Variants in CACNA2D4 observed in about 807,000 individuals in gnomAD.
CACNA2D4 encodes the protein calcium voltage-gated channel auxiliary subunit alpha2delta 4.
A neutral mutation model predicts 163.8 loss-of-function variants in CACNA2D4; 157 were observed. That is an observed-to-expected ratio of 0.96 (90% CI 0.84 to 1.09). CACNA2D4 has a LOEUF of 1.09. Ranked by LOEUF, CACNA2D4 falls within the 50% of genes least tolerant of loss-of-function variation. The probability of loss-of-function intolerance (pLI) is 0.00; values close to 1 mark genes in which losing one functional copy is unlikely to be tolerated. For missense variants in CACNA2D4, 1,410 were observed against 1,479.9 expected (o/e 0.95, Z 0.78); for synonymous variants, 598 against 586.9 (o/e 1.02, Z -0.27).
At position 1,828,239 on chromosome 12, in the gene CACNA2D4, G is replaced by A. The variant is rs945855177; in HGVS notation, c.2551+12500C>T. The stretch of plus-strand genomic sequence containing the variant: ...CTGTGAGTACACCCCTGGCCTCGGA[G>A]GGGGGTGCGGGTTGGGTGGGGGTGC... On this transcript the variant is annotated intron_variant, in intron 26 of 37. Transcript: ENST00000382722. This position sits in a 1 kb window ranked among gnomAD's most constrained non-coding sequence, Gnocchi z 4.2. The A allele has an allele frequency of 2.6e-6, 4 of 1,527,606 alleles. No homozygotes were observed. The highest frequency in any genetic ancestry group is 4.1e-5 in the Admixed American group (2 of 48,600). The allele number at this position is 1,527,606 out of a possible 1,614,324, so 94.6% of individuals were successfully genotyped here. A position where few individuals can be genotyped will look rare whatever the true frequency, so the allele number is the denominator to read the frequency against.
rs1863192330 is a variant in CACNA2D4 at position 1,798,122 on chromosome 12, C to A, written c.2996-587G>T. 6.6e-6 allele frequency among the ~76,000 whole-genome samples: 1 copy of A among 152,182 alleles called. No homozygotes were observed. Among genetic ancestry groups the A allele is most frequent in the Non-Finnish European group, 1.5e-5 (1 of 68,016 alleles). On this transcript the variant is annotated intron_variant, in intron 34 of 37. Transcript: ENST00000382722. The surrounding 1 kb of genome is among the most constrained non-coding windows in gnomAD (Gnocchi z 4.3). The stretch of plus-strand genomic sequence containing the variant: ...CACAGCCACCCGGTGCGGGACTCCT[C>A]GGGGGCTGCGCGATTTGCCTTAGCT...
intron 26 of CACNA2D4, among the ~76,000 whole-genome samples, chr12:1,837,283 A>T (rs7300436): frequency 2.0e-5 from 3 of 152,120 alleles, no homozygotes; most frequent in African/African-American, 7.2e-5. Context: ...TTTCAGCCTC[A>T]CTGGATGCTG....
intron 28 of CACNA2D4, 94 bp downstream of exon 28, chr12:1,810,449 G>A (rs1300348718): frequency 6.6e-7 from 1 of 1,517,142 alleles, no homozygotes; most frequent in African/African-American, 1.4e-5. Context: ...TGCAGGGAAG[G>A]AGGGCATTTG....
chr12:1,828,222 AC>A lies in CACNA2D4; in HGVS notation c.2551+12516del. 2 of 1,540,626 alleles carry A rather than the reference AC, an allele frequency of 1.3e-6. No individual in the cohort carries two copies. The highest frequency in any genetic ancestry group is 1.8e-6 in the Non-Finnish European group (2 of 1,142,822). ...CAGTGGAGGCAAGTCTCCTGTGAGT[AC>A]ACCCCTGGCCTCGGAGGGGGGTGCG... is the stretch of plus-strand genomic sequence containing the variant. On this transcript the variant is annotated intron_variant, in intron 26 of 37. Coordinates refer to ENST00000382722, the MANE Select transcript of CACNA2D4 (RefSeq NM_172364.5). The surrounding 1 kb of genome is among the most constrained non-coding windows in gnomAD (Gnocchi z 4.2).
At position 1,813,781 on chromosome 12, in the gene CACNA2D4, G is replaced by A. The variant is rs116552081; in HGVS notation, c.2552-2058C>T. ...GCTTTGAGTTCCAGGTAGCTGAAAG[G>A]AGTGGGCTGGAAGGGGACGGGGAGA... is the stretch of plus-strand genomic sequence containing the variant. On this transcript the variant is annotated intron_variant, in intron 26 of 37. Coordinates refer to ENST00000382722, the MANE Select transcript of CACNA2D4 (RefSeq NM_172364.5). 6.9e-3 allele frequency among the ~76,000 whole-genome samples: 1,051 copies of A among 152,252 alleles called. 14 individuals are homozygous for A. The highest frequency in any genetic ancestry group is 0.024 in the African/African-American group (1,005 of 41,536).
rs1864752356 is a variant in CACNA2D4 at position 1,834,235 on chromosome 12, GGTCA to G, written c.2551+6500_2551+6503del. On this transcript the variant is annotated intron_variant, in intron 26 of 37. Transcript: ENST00000382722. This position sits in a 1 kb window ranked among gnomAD's most constrained non-coding sequence, Gnocchi z 7.6. ...GAGGGAGTGCAAGTTCTAGATGCCT[GGTCA>G]GCCCCTCTTTTTCTCTTCTGCATGT... 6.6e-7 allele frequency: 1 copy of G among 1,525,914 alleles called. No individual in the cohort carries two copies. Among genetic ancestry groups the G allele is most frequent in the South Asian group, 1.3e-5 (1 of 76,818 alleles). 94.5% of individuals were successfully genotyped at this position (1,525,914 alleles called of 1,614,324 possible).
intron 35 of CACNA2D4, among the ~76,000 whole-genome samples, chr12:1,796,307 G>A (rs566430761): frequency 6.6e-6 from 1 of 152,324 alleles, no homozygotes; most frequent in Admixed American, 6.5e-5. Flanking sequence ...GCCGCCTACC[G>A]AGCGCCTCCC....
At chr12:1,895,736 A>G (rs1385082761) in intron 6 of CACNA2D4, among the ~76,000 whole-genome samples, 1 of 152,166 alleles carries the variant, frequency 6.6e-6, no homozygotes, top group Non-Finnish European at 1.5e-5. Flanking sequence ...GGCTCAAGCA[A>G]TCCTCCCACC....
At chr12:1,884,202 T>G in intron 12 of CACNA2D4, 41 bp downstream of exon 12, 1 of 1,580,920 alleles carries the variant, frequency 6.3e-7, no homozygotes. Flanking sequence ...TCTCCTGTGC[T>G]CAGGTGCAGG....
intron 13 of CACNA2D4, among the ~76,000 whole-genome samples, chr12:1,881,391 A>G (rs936758621): frequency 2.6e-5 from 4 of 152,154 alleles, no homozygotes; most frequent in African/African-American, 7.2e-5. Context: ...ACTCCAGGCC[A>G]CCTTCAGCAG....
intron 26 of CACNA2D4, among the ~76,000 whole-genome samples, chr12:1,826,458 C>T (rs570009671): frequency 2.4e-5 from 3 of 125,824 alleles, no homozygotes; most frequent in South Asian, 2.8e-4. Flanking sequence ...GGCCTTGAGA[C>T]AGTGGTTAGA....
At chr12:1,794,630 A>G (rs2154444938) in intron 37 of CACNA2D4, among the ~76,000 whole-genome samples, 1 of 152,262 alleles carries the variant, frequency 6.6e-6, no homozygotes, top group East Asian at 1.9e-4. Context: ...TTCCCTCACC[A>G]TGACCCGTTT....
At chr12:1,907,294 C>T (rs1187950556) in intron 6 of CACNA2D4, 146 bp downstream of exon 6, 1 of 663,494 alleles carries the variant, frequency 1.5e-6, no homozygotes, top group African/African-American at 1.8e-5. Context: ...GTGAGAAGGG[C>T]TAAAGTGTGG....
intron 20 of CACNA2D4, 51 bp from the exon 21 acceptor site, chr12:1,856,280 T>G: frequency 1.3e-6 from 2 of 1,582,480 alleles, no homozygotes; most frequent in Non-Finnish European, 1.7e-6. Flanking sequence ...GCCATGAGGG[T>G]GTGTGTCTCA....
chr12:1,844,284 G>T lies in CACNA2D4; in HGVS notation c.2470+118C>A. 1 of 1,241,160 alleles carries T rather than the reference G, an allele frequency of 8.1e-7. No individual in the cohort carries two copies. 76.9% of individuals were successfully genotyped at this position (1,241,160 alleles called of 1,614,324 possible). On this transcript the variant is annotated intron_variant, in intron 25 of 37. Coordinates refer to ENST00000382722, the MANE Select transcript of CACNA2D4 (RefSeq NM_172364.5). This position sits in a 1 kb window ranked among gnomAD's most constrained non-coding sequence, Gnocchi z 4.2. ...GAGGGAAGGCAGGAGGGGAACCCTG[G>T]TGGTCTGGACATTCTATTCCATATC...
rs1865935048 is a variant in CACNA2D4 at position 1,878,887 on chromosome 12, C to T, written c.1644+69G>A. The T allele has an allele frequency of 9.1e-6, 13 of 1,425,148 alleles. No individual in the cohort carries two copies. Among genetic ancestry groups the T allele is most frequent in the Non-Finnish European group, 1.2e-5 (12 of 1,026,046 alleles). The allele number at this position is 1,425,148 out of a possible 1,614,324, so 88.3% of individuals were successfully genotyped here. On this transcript the variant is annotated intron_variant, in intron 15 of 37. Coordinates refer to ENST00000382722, the MANE Select transcript of CACNA2D4 (RefSeq NM_172364.5). The surrounding 1 kb of genome is among the most constrained non-coding windows in gnomAD (Gnocchi z 4.6). ...GGCTTGGCTTGCCTGGAGAGAGGCT[C>T]CCATCACGGGGGAGGGAGTTTGCTC...
chr12:1,825,499 A>T (rs1864276673), intron 26 of CACNA2D4, among the ~76,000 whole-genome samples: 1 of 152,168 alleles, frequency 6.6e-6, no homozygotes, highest in South Asian at 2.1e-4. Context: ...CGGCTTACAC[A>T]TCTGTCTGTT....
At chr12:1,849,907 A>G (rs1358704736) in intron 23 of CACNA2D4, among the ~76,000 whole-genome samples, 3 of 152,204 alleles carry the variant, frequency 2.0e-5, no homozygotes, top group African/African-American at 7.2e-5. Context: ...GAGATATTCT[A>G]ATTTTTCACA....
chr12:1,886,909 G>A (rs1056143003), intron 7 of CACNA2D4, 100 bp downstream of exon 7: 2 of 765,966 alleles, frequency 2.6e-6, no homozygotes, highest in Non-Finnish European at 4.5e-6. Flanking sequence ...GCCCTTGAGT[G>A]GCGGTGGGGG....
Sources: allele counts gnomAD v4.1 joint callset (sites outside exome capture counted in the v4.1 genomes callset), GRCh38; gene constraint gnomAD v4.1.1; non-coding constraint Gnocchi (gnomAD v3.1); transcripts MANE v1.5; gene names NCBI Gene and HGNC (gene_info 2026-07-23, HGNC 2026-07-21).